LINGO2: variants seen among roughly 807,000 people sequenced by gnomAD.
The protein encoded by LINGO2 is leucine-rich repeat and immunoglobulin-like domain-containing nogo receptor-interacting protein 2.
LINGO2 carries 14 observed loss-of-function variants against 30.6 expected under a neutral mutation model. The ratio of observed to expected loss-of-function variants is 0.46; its 90% CI spans 0.30 to 0.72. The LOEUF (loss-of-function observed/expected upper bound fraction) is 0.72. Among genes scored for constraint, LINGO2 ranks in the 30% least tolerant of loss-of-function variants. The probability of loss-of-function intolerance (pLI) is 0.07; values close to 1 mark genes in which losing one functional copy is unlikely to be tolerated. For missense variants in LINGO2, 729 were observed against 751.7 expected, an observed-to-expected ratio of 0.97 and a Z score of 0.35; for synonymous variants, 317 against 288.5, an observed-to-expected ratio of 1.10 and a Z score of -1.00.
chr9:28,405,917 A>G (rs928763177), intron 2 of LINGO2, among the ~76,000 whole-genome samples: 20 of 152,156 alleles, frequency 1.3e-4, no homozygotes, highest in Admixed American at 1.1e-3. Context: ...TATTCATTCA[A>G]CCAAAGAGCA....
the LINGO2 span, among the ~76,000 whole-genome samples, chr9:28,928,687 C>G: frequency 6.6e-6 from 1 of 152,040 alleles, no homozygotes; most frequent in Admixed American, 6.6e-5. Context: ...CTAATGGTAG[C>G]AGGAGAATAA....
At chr9:28,782,444 T>G in the LINGO2 span, among the ~76,000 whole-genome samples, 1 of 152,214 alleles carries the variant, frequency 6.6e-6, no homozygotes, top group Admixed American at 6.5e-5. Context: ...CAGTGGATAG[T>G]GTAGTCCCAG....
intron 4 of LINGO2, among the ~76,000 whole-genome samples, chr9:28,083,960 T>C (rs1295459106): frequency 1.3e-5 from 2 of 152,230 alleles, no homozygotes; most frequent in African/African-American, 4.8e-5. Context: ...GATTATAATC[T>C]GTTTTTTAAT....
chr9:28,346,866 T>C (rs114734436), intron 3 of LINGO2, among the ~76,000 whole-genome samples: 1 of 152,086 alleles, frequency 6.6e-6, no homozygotes, highest in Non-Finnish European at 1.5e-5. Context: ...GTCCTTTGTA[T>C]ACTTTTTAAT....
intron 4 of LINGO2, among the ~76,000 whole-genome samples, chr9:28,202,743 T>C (rs566316332): frequency 6.6e-6 from 1 of 152,302 alleles, no homozygotes; most frequent in South Asian, 2.1e-4. Context: ...TGGGATAATG[T>C]ACCTCATTAG....
At chr9:28,306,853 C>G (rs1824381832) in intron 3 of LINGO2, among the ~76,000 whole-genome samples, 1 of 152,218 alleles carries the variant, frequency 6.6e-6, no homozygotes, top group Non-Finnish European at 1.5e-5. Flanking sequence ...TTCCTTGACA[C>G]ATACACCTTC....
At chr9:28,330,140 A>G (rs1371290836) in intron 3 of LINGO2, among the ~76,000 whole-genome samples, 2 of 152,134 alleles carry the variant, frequency 1.3e-5, no homozygotes, top group Non-Finnish European at 2.9e-5. Context: ...CTCTCTTCTC[A>G]TCCACACAGA....
At chr9:29,105,111 G>A in the LINGO2 span, among the ~76,000 whole-genome samples, 1 of 151,916 alleles carries the variant, frequency 6.6e-6, no homozygotes, top group Non-Finnish European at 1.5e-5. Flanking sequence ...AGCTAAGCAG[G>A]GACCTAATTC....
the LINGO2 span, among the ~76,000 whole-genome samples, chr9:28,938,823 G>A: frequency 2.0e-4 from 30 of 152,152 alleles, no homozygotes; most frequent in South Asian, 2.1e-4. Context: ...AGTGATATAC[G>A]ATCACACTGT....
At chr9:28,025,386 A>G (rs546315060) in intron 4 of LINGO2, among the ~76,000 whole-genome samples, 17 of 152,286 alleles carry the variant, frequency 1.1e-4, no homozygotes, top group African/African-American at 3.8e-4. Context: ...TGAAAATACT[A>G]TCTCTTTTGG....
intron 4 of LINGO2, among the ~76,000 whole-genome samples, chr9:28,264,996 T>G (rs1822695851): frequency 6.6e-6 from 1 of 151,918 alleles, no homozygotes; most frequent in Non-Finnish European, 1.5e-5. Flanking sequence ...CTGCTAAGTT[T>G]CCAGCCTGAT....
the LINGO2 span, among the ~76,000 whole-genome samples, chr9:29,187,764 G>T: frequency 5.4e-5 from 8 of 147,734 alleles, no homozygotes; most frequent in African/African-American, 2.5e-5. Context: ...CTGAAAATGG[G>T]AAAGTATACA....
the LINGO2 span, among the ~76,000 whole-genome samples, chr9:29,104,217 T>A: frequency 6.6e-6 from 1 of 152,120 alleles, no homozygotes; most frequent in African/African-American, 2.4e-5. Flanking sequence ...CCAAATCTCA[T>A]GTTGAATTGT....
chr9:28,260,598 A>T (rs1307615737), intron 4 of LINGO2, among the ~76,000 whole-genome samples: 1 of 151,854 alleles, frequency 6.6e-6, no homozygotes, highest in East Asian at 1.9e-4. Flanking sequence ...ACAGGTTTAG[A>T]TCTTGGTGGT....
chr9:28,790,325 C>CTTTTTTTTTTTTTTTT, the LINGO2 span, among the ~76,000 whole-genome samples: 51 of 106,270 alleles, frequency 4.8e-4, 2 homozygotes, highest in African/African-American at 8.5e-4. Context: ...TCTTTTCTTT[C>CTTTTTTTTTTTTTTTT]TTTTTTTTTT....
intron 4 of LINGO2, among the ~76,000 whole-genome samples, chr9:28,092,795 T>C (rs550891303): frequency 2.6e-5 from 4 of 152,080 alleles, no homozygotes; most frequent in Middle Eastern, 3.2e-3. Flanking sequence ...TCCTTACTTG[T>C]ATGATCAATA....
chr9:28,061,282 G>T (rs557273509), intron 4 of LINGO2, among the ~76,000 whole-genome samples: 1 of 150,438 alleles, frequency 6.6e-6, no homozygotes, highest in Non-Finnish European at 1.5e-5. Context: ...GGCCTTCAAC[G>T]TCTATTGGGC....
the LINGO2 span, among the ~76,000 whole-genome samples, chr9:29,203,329 T>C: frequency 6.6e-6 from 1 of 152,190 alleles, no homozygotes; most frequent in African/African-American, 2.4e-5. Flanking sequence ...TTTAAGGTTA[T>C]GTTACACAAC....
the LINGO2 span, among the ~76,000 whole-genome samples, chr9:28,806,033 T>C: frequency 1.3e-5 from 2 of 152,178 alleles, no homozygotes; most frequent in African/African-American, 4.8e-5. Context: ...TGAAAATGTA[T>C]CTTCTTCCAA....
Sources: gnomAD v4.1 joint callset for allele counts (sites outside exome capture counted in the v4.1 genomes callset) on GRCh38, gnomAD v4.1.1 for gene constraint, MANE v1.5 for transcripts, NCBI Gene and HGNC (gene_info 2026-07-23, HGNC 2026-07-21) for gene names.